The following FTO variants were observed in gnomAD, a reference collection of about 807,000 sequenced individuals.
FTO encodes the protein alpha-ketoglutarate-dependent dioxygenase FTO.
Under a neutral mutation model 63.9 loss-of-function variants are expected in FTO, and 47 were observed. The observed-to-expected ratio is 0.74, with a 90% CI of 0.58 to 0.94. FTO has a LOEUF of 0.94. Among genes scored for constraint, FTO ranks in the 40% least tolerant of loss-of-function variants. The probability of loss-of-function intolerance (pLI) is 0.00; values close to 1 mark genes in which losing one functional copy is unlikely to be tolerated. For synonymous variants in FTO, 207 were observed against 224.4 expected (o/e 0.92, Z 0.69); for missense variants, 562 against 618.1 (o/e 0.91, Z 0.96).
At chr16:53,750,006 ATC>A (rs2076746915) in intron 1 of FTO, among the ~76,000 whole-genome samples, 2 of 152,196 alleles carry the variant, frequency 1.3e-5, no homozygotes. Context: ...TTATCAAAGA[ATC>A]TGTGCAAGAA....
intron 7 of FTO, among the ~76,000 whole-genome samples, chr16:53,912,914 T>C (rs1053854007): frequency 1.3e-5 from 2 of 152,128 alleles, no homozygotes; most frequent in African/African-American, 2.4e-5. Flanking sequence ...AAGAAAGAAG[T>C]GTTAGTGGAA....
At chr16:53,879,743 G>A in intron 5 of FTO, 101 bp from the exon 6 acceptor site, 1 of 1,286,086 alleles carries the variant, frequency 7.8e-7, no homozygotes, top group Non-Finnish European at 1.1e-6. Context: ...GGGGCAACAG[G>A]TGAATTCACA....
chr16:53,794,409 C>G (rs1298281935), intron 1 of FTO, among the ~76,000 whole-genome samples: 1 of 152,160 alleles, frequency 6.6e-6, no homozygotes, highest in Non-Finnish European at 1.5e-5. Flanking sequence ...ACATAAAGGG[C>G]TAGTAAGCTG....
At chr16:53,943,111 T>C (rs941384246) in intron 8 of FTO, among the ~76,000 whole-genome samples, 2 of 152,224 alleles carry the variant, frequency 1.3e-5, no homozygotes, top group African/African-American at 4.8e-5. Context: ...TTTGTGTTTC[T>C]GATCCAGATT....
At chr16:53,852,553 T>C (rs1448700365) in intron 4 of FTO, among the ~76,000 whole-genome samples, 2 of 152,188 alleles carry the variant, frequency 1.3e-5, no homozygotes, top group African/African-American at 2.4e-5. Flanking sequence ...CGCTTATAAG[T>C]TGATCTGAAA....
chr16:53,791,173 C>T (rs940212497), intron 1 of FTO, among the ~76,000 whole-genome samples: 1 of 152,020 alleles, frequency 6.6e-6, no homozygotes, highest in Admixed American at 6.5e-5. Flanking sequence ...GCCAGATCCT[C>T]ATAGGGGTTA....
At chr16:53,944,158 A>G (rs1363512999) in intron 8 of FTO, among the ~76,000 whole-genome samples, 8 of 152,194 alleles carry the variant, frequency 5.3e-5, no homozygotes, top group African/African-American at 1.7e-4. Flanking sequence ...CCTACCTGGT[A>G]TGAGGAGCTA....
At chr16:53,882,472 A>G (rs1273067089) in intron 6 of FTO, among the ~76,000 whole-genome samples, 1 of 152,096 alleles carries the variant, frequency 6.6e-6, no homozygotes. Flanking sequence ...GAAGGACATG[A>G]GAAACAGCCA....
chr16:53,794,375 G>A (rs894897677), intron 1 of FTO, among the ~76,000 whole-genome samples: 2 of 152,194 alleles, frequency 1.3e-5, no homozygotes, highest in East Asian at 1.9e-4. Context: ...ACAAGATAGT[G>A]TTGTAGACCC....
At chr16:53,937,531 G>A (rs1020524952) in intron 8 of FTO, 12 of 350,600 alleles carry the variant, frequency 3.4e-5, no homozygotes, top group African/African-American at 2.5e-4. Flanking sequence ...GGGTGTCCCA[G>A]GATAGGCTAC....
At chr16:54,088,754 G>A (rs76004769) in intron 8 of FTO, among the ~76,000 whole-genome samples, 470 of 152,252 alleles carry the variant, frequency 3.1e-3, no homozygotes, top group African/African-American at 9.3e-3. Flanking sequence ...ACACAAATTC[G>A]GTTATACAGA....
chr16:53,713,818 C>T, intron 1 of FTO, among the ~76,000 whole-genome samples: 1 of 152,146 alleles, frequency 6.6e-6, no homozygotes, highest in East Asian at 1.9e-4. Flanking sequence ...TGTTGTATAG[C>T]AGATCTCTGG....
intron 3 of FTO, among the ~76,000 whole-genome samples, chr16:53,836,138 G>A (rs373105538): frequency 5.3e-5 from 8 of 152,118 alleles, no homozygotes; most frequent in Non-Finnish European, 7.4e-5. Flanking sequence ...TGATCTGCCC[G>A]CCTCAGCTTC....
At chr16:53,892,614 G>T (rs1476354601) in intron 7 of FTO, among the ~76,000 whole-genome samples, 1 of 151,980 alleles carries the variant, frequency 6.6e-6, no homozygotes, top group Non-Finnish European at 1.5e-5. Flanking sequence ...AAAATCGTGC[G>T]TGTTGTGGAA....
chr16:53,786,979 C>T (rs1040740961), intron 1 of FTO, among the ~76,000 whole-genome samples: 8 of 151,454 alleles, frequency 5.3e-5, no homozygotes, highest in South Asian at 2.1e-4. Flanking sequence ...GGTGTGGTGG[C>T]GGGTGCCTGT....
chr16:54,104,008 A>C (rs1233938954), intron 8 of FTO, among the ~76,000 whole-genome samples: 1 of 152,190 alleles, frequency 6.6e-6, no homozygotes, highest in Non-Finnish European at 1.5e-5. Flanking sequence ...CAATTTGTAC[A>C]TCAGGTACTG....
At chr16:54,072,551 G>A (rs2085894715) in intron 8 of FTO, 1 of 152,228 alleles carries the variant, frequency 6.6e-6, no homozygotes, top group African/African-American at 2.4e-5. Flanking sequence ...GTATGTACGG[G>A]GCTACTGGCA....
At chr16:54,092,701 G>T (rs769887621) in intron 8 of FTO, among the ~76,000 whole-genome samples, 1 of 152,122 alleles carries the variant, frequency 6.6e-6, no homozygotes, top group East Asian at 1.9e-4. Context: ...GTTAGCAACC[G>T]TAATTCCCAG....
chr16:53,761,753 C>T (rs2077076879), intron 1 of FTO, among the ~76,000 whole-genome samples: 1 of 151,670 alleles, frequency 6.6e-6, no homozygotes, highest in South Asian at 2.1e-4. Flanking sequence ...GCTTTTCACC[C>T]AACTAGATTA....
Sources: allele counts gnomAD v4.1 joint callset (sites outside exome capture counted in the v4.1 genomes callset), GRCh38; gene constraint gnomAD v4.1.1; transcripts MANE v1.5; gene names NCBI Gene and HGNC (gene_info 2026-07-23, HGNC 2026-07-21).